The following PCDHGC5 variants were observed in gnomAD, a reference collection of about 807,000 sequenced individuals.
PCDHGC5 encodes the protein protocadherin gamma-C5.
Under a neutral mutation model 59.0 loss-of-function variants are expected in PCDHGC5, and 25 were observed. The observed-to-expected ratio is 0.42, with a 90% CI of 0.31 to 0.59. The LOEUF (loss-of-function observed/expected upper bound fraction) is 0.59, where lower values mean the gene tolerates loss of function less well. Among genes scored for constraint, PCDHGC5 ranks in the 20% least tolerant of loss-of-function variants. The probability of loss-of-function intolerance (pLI) is 0.13; values close to 1 mark genes in which losing one functional copy is unlikely to be tolerated. For missense variants in PCDHGC5, 1,067 were observed against 1,206.4 expected (o/e 0.88, Z 1.71); for synonymous variants, 434 against 505.5 (o/e 0.86, Z 1.90).
intron 2 of PCDHGC5, among the ~76,000 whole-genome samples, chr5:141,499,686 T>G (rs1400567357): frequency 1.3e-5 from 2 of 149,346 alleles, no homozygotes; most frequent in Non-Finnish European, 3.0e-5. Flanking sequence ...CTTTAACAGA[T>G]GACTTTTTTT....
intron 1 of PCDHGC5, among the ~76,000 whole-genome samples, chr5:141,492,920 G>A (rs2099745093): frequency 6.6e-6 from 1 of 152,198 alleles, no homozygotes; most frequent in African/African-American, 2.4e-5. Context: ...TGTGCCCAGC[G>A]ATCTAGGGTC....
chr5:141,498,940 A>G (rs527366029), intron 2 of PCDHGC5, among the ~76,000 whole-genome samples: 57 of 140,142 alleles, frequency 4.1e-4, no homozygotes, highest in Non-Finnish European at 7.3e-4. Flanking sequence ...CAGGAAAGAA[A>G]GAAAGAAAAA....
intron 2 of PCDHGC5, among the ~76,000 whole-genome samples, chr5:141,496,392 C>T (rs6879760): frequency 0.064 from 9,762 of 152,240 alleles, 510 homozygotes; most frequent in African/African-American, 0.15. Context: ...CCTTACCCTA[C>T]CTCCTCAATG....
At position 141,490,181 on chromosome 5, in the gene PCDHGC5, G is replaced by A. The variant is rs755899660; in HGVS notation, c.941G>A (p.Arg314His). ...GGTCCCATAGACTTTGAGGAGTCACGTTTCTATGAAATTCATGCAAGAGCC... is the reference window on the plus strand; with the variant it reads ...GGTCCCATAGACTTTGAGGAGTCACATTTCTATGAAATTCATGCAAGAGCC... ...VLGPIDFEESRFYEIHARARD... is the reference protein window; with the variant it reads ...VLGPIDFEESHFYEIHARARD... The change falls in exon 1 of 4, where the codon CGT (arginine) becomes CAT (histidine). Residue 314 changes from arginine to histidine, a missense_variant. By Grantham distance (29) the Arg-to-His change is conservative (BLOSUM62 0). Coordinates refer to ENST00000252087, the MANE Select transcript of PCDHGC5 (RefSeq NM_018929.3). This position sits in a 1 kb window ranked among gnomAD's most constrained non-coding sequence, Gnocchi z 5.4. The A allele has an allele frequency of 9.9e-6, 16 of 1,614,200 alleles. No homozygotes were observed. Among genetic ancestry groups the A allele is most frequent in the Middle Eastern group, 1.6e-4 (1 of 6,062 alleles).
intron 3 of PCDHGC5, among the ~76,000 whole-genome samples, chr5:141,509,722 C>A (rs919655821): frequency 5.9e-5 from 9 of 152,140 alleles, no homozygotes; most frequent in African/African-American, 2.2e-4. Flanking sequence ...CTGATGTCAC[C>A]TAGCTGTGGC....
intron 2 of PCDHGC5, among the ~76,000 whole-genome samples, chr5:141,500,399 C>T (rs966328306): frequency 1.3e-5 from 2 of 151,806 alleles, no homozygotes; most frequent in South Asian, 2.1e-4. Context: ...TTAGTAGAGA[C>T]GGGGTTTCAC....
rs747633858 is a variant in PCDHGC5, at chr5:141,491,133, C to T, written c.1893C>T (p.Ala631=). 6.2e-6 allele frequency: 10 copies of T among 1,614,158 alleles called. No homozygotes were observed. In the South Asian group the frequency reaches 9.9e-5, roughly 16 times the overall value. The stretch of plus-strand genomic sequence containing the variant: ...CACACACTGGTGAGGTGCGCACAGC[C>T]CGGGCCTTACTGGAGGATGACTCTG... ...VSTHTGEVRT[A]RALLEDDSDT... is the part of the protein sequence containing the mutation. The change falls in exon 1 of 4, where the codon GCC becomes GCT. Residue 631 remains alanine, a synonymous_variant. Transcript: ENST00000252087. The surrounding 1 kb of genome is among the most constrained non-coding windows in gnomAD (Gnocchi z 6.9).
Position 141,491,711 on chromosome 5 carries a change from C to A in PCDHGC5, c.2460+11C>A, listed in dbSNP as rs528931820. ...CGGGAGCGGAGCCAGGTGAGGGGCT[C>A]GGCGCCGCCCCGGGCGACCCCTGGG... On this transcript the variant is annotated intron_variant, in intron 1 of 3. Coordinates refer to ENST00000252087, the MANE Select transcript of PCDHGC5 (RefSeq NM_018929.3). The surrounding 1 kb of genome is among the most constrained non-coding windows in gnomAD (Gnocchi z 6.9). 1.3e-4 allele frequency: 217 copies of A among 1,609,356 alleles called. 3 individuals are homozygous for A. In the South Asian group the frequency reaches 2.2e-3, roughly 17 times the overall value.
chr5:141,511,361 G>C lies in PCDHGC5; in HGVS notation c.*188G>C, dbSNP rs2099883750. 7.4e-7 allele frequency: 1 copy of C among 1,345,388 alleles called. No individual in the cohort carries two copies. Among genetic ancestry groups the C allele is most frequent in the Non-Finnish European group, 9.9e-7 (1 of 1,006,550 alleles). The allele number at this position is 1,345,388 out of a possible 1,614,324, so 83.3% of individuals were successfully genotyped here. On this transcript the variant is annotated 3_prime_UTR_variant, in exon 4 of 4. Transcript: ENST00000252087. ...CCTACCCCTTCCCCCCCAGGGGGTTGAATATGCAAAAGCAGTTCCGCTGGG... is the reference window on the plus strand; with the variant it reads ...CCTACCCCTTCCCCCCCAGGGGGTTCAATATGCAAAAGCAGTTCCGCTGGG...
chr5:141,492,942 G>A (rs897160295), intron 1 of PCDHGC5, among the ~76,000 whole-genome samples: 3 of 152,220 alleles, frequency 2.0e-5, no homozygotes, highest in African/African-American at 7.2e-5. Context: ...GAGATTTGGA[G>A]GTGACCAAAC....
intron 2 of PCDHGC5, among the ~76,000 whole-genome samples, chr5:141,496,582 G>C (rs991035985): frequency 6.6e-6 from 1 of 152,100 alleles, no homozygotes; most frequent in Non-Finnish European, 1.5e-5. Flanking sequence ...TTTTAGGAAC[G>C]CAAAGCGCTT....
chr5:141,504,077 G>A (rs939470644), intron 2 of PCDHGC5, among the ~76,000 whole-genome samples: 3 of 152,124 alleles, frequency 2.0e-5, no homozygotes, highest in Non-Finnish European at 2.9e-5. Context: ...GCCAGATGGT[G>A]CCAAACAGTT....
Position 141,501,940 on chromosome 5 carries a change from C to T in PCDHGC5, c.2520-3453C>T, listed in dbSNP as rs565207980. Among the ~76,000 whole-genome samples the T allele has an allele frequency of 2.6e-5, 4 of 152,250 alleles. No individual in the cohort carries two copies. In the East Asian group the frequency reaches 7.7e-4, roughly 29 times the overall value. On this transcript the variant is annotated intron_variant, in intron 2 of 3. Transcript: ENST00000252087. ...CAGCTTTGTTCCCTCAACACCACTG[C>T]TCCCTGTGACAGGTCATCCTCCTAA...
chr5:141,512,555 A>C lies in PCDHGC5; in HGVS notation c.*1382A>C, dbSNP rs1294402882. 2.6e-5 allele frequency: 4 copies of C among 152,986 alleles called. No individual in the cohort carries two copies. The highest frequency in any genetic ancestry group is 9.6e-5 in the African/African-American group (4 of 41,472). 9.5% of individuals were successfully genotyped at this position (152,986 alleles called of 1,614,324 possible). A position where few individuals can be genotyped will look rare whatever the true frequency, so the allele number is the denominator to read the frequency against. ...AGTTCCCCAGTGCCTCCTTGTGCAT[A>C]GACCTTCTTCTCCCACCCCCTTCTG... On this transcript the variant is annotated 3_prime_UTR_variant, in exon 4 of 4. Transcript: ENST00000252087.
At chr5:141,510,863 A>G in intron 3 of PCDHGC5, 84 bp from the exon 4 acceptor site, 1 of 1,607,492 alleles carries the variant, frequency 6.2e-7, no homozygotes, top group African/African-American at 1.3e-5. Flanking sequence ...CTGTATAGGC[A>G]TTCATTAACT....
intron 1 of PCDHGC5, among the ~76,000 whole-genome samples, chr5:141,492,418 C>T (rs1428695013): frequency 2.0e-5 from 3 of 152,236 alleles, no homozygotes; most frequent in Admixed American, 1.3e-4. Flanking sequence ...CCGCTCCCTC[C>T]GCCGGGCTCA....
chr5:141,489,692 G>A lies in PCDHGC5; in HGVS notation c.452G>A (p.Arg151Gln). 1.9e-6 allele frequency: 3 copies of A among 1,614,128 alleles called. No individual in the cohort carries two copies. The highest frequency in any genetic ancestry group is 1.7e-6 in the Non-Finnish European group (2 of 1,179,980). Residue 151 changes from arginine to glutamine, a missense_variant, in exon 1 of 4, where the codon CGA becomes CAA. Coordinates refer to ENST00000252087, the MANE Select transcript of PCDHGC5 (RefSeq NM_018929.3). The surrounding 1 kb of genome is among the most constrained non-coding windows in gnomAD (Gnocchi z 4.5). ...RISESAASGARFPLDSAQDPD... is the reference protein window; with the variant it reads ...RISESAASGAQFPLDSAQDPD... The stretch of plus-strand genomic sequence containing the variant: ...TCAGAATCAGCAGCATCTGGGGCAC[G>A]ATTCCCACTGGACAGTGCCCAGGAT...
At chr5:141,494,190 G>GAGAA (rs2099752701) in intron 1 of PCDHGC5, among the ~76,000 whole-genome samples, 1 of 152,186 alleles carries the variant, frequency 6.6e-6, no homozygotes, top group Non-Finnish European at 1.5e-5. Flanking sequence ...CCCGGGACTT[G>GAGAA]GATGCCCCGC....
At chr5:141,509,169 T>C (rs1321257504) in intron 3 of PCDHGC5, among the ~76,000 whole-genome samples, 2 of 152,174 alleles carry the variant, frequency 1.3e-5, no homozygotes, top group African/African-American at 4.8e-5. Context: ...TGTGCCCTCC[T>C]CCTCTTATGC....
Sources: gnomAD v4.1 joint callset for allele counts (sites outside exome capture counted in the v4.1 genomes callset) on GRCh38, gnomAD v4.1.1 for gene constraint, Gnocchi (gnomAD v3.1) non-coding constraint, MANE v1.5 for transcripts, NCBI Gene and HGNC (gene_info 2026-07-23, HGNC 2026-07-21) for gene names.